PCNX2: variants seen among roughly 807,000 people sequenced by gnomAD.
PCNX2 encodes the protein pecanex-like protein 2.
PCNX2 carries 168 observed loss-of-function variants against 223.8 expected under a neutral mutation model. That is an observed-to-expected ratio of 0.75 (90% CI 0.66 to 0.85). PCNX2 has a LOEUF of 0.85. PCNX2 is among the 40% of genes least tolerant of loss of function. PCNX2 has a pLI of 0.00. For synonymous variants in PCNX2, 1,006 were observed against 1,052.6 expected (o/e 0.96, Z 0.86); for missense variants, 2,507 against 2,675.5 (o/e 0.94, Z 1.39).
chr1:233,103,701 G>T (rs1445357185), intron 21 of PCNX2, among the ~76,000 whole-genome samples: 3 of 152,110 alleles, frequency 2.0e-5, no homozygotes, highest in Non-Finnish European at 4.4e-5. Context: ...CACCTCAGTT[G>T]CTTCCAAATC....
At chr1:233,214,869 A>T (rs1226484156) in intron 12 of PCNX2, among the ~76,000 whole-genome samples, 2 of 152,222 alleles carry the variant, frequency 1.3e-5, no homozygotes, top group Admixed American at 1.3e-4. Flanking sequence ...TGCATTTAAA[A>T]TTGAAATACA....
At chr1:233,033,193 A>G (rs2102846351) in intron 25 of PCNX2, 1 of 985,378 alleles carries the variant, frequency 1.0e-6, no homozygotes, top group East Asian at 1.1e-4. Context: ...TTGCACTGTC[A>G]CACCTTTGTC....
chr1:233,013,790 C>T (rs764721086), intron 28 of PCNX2, among the ~76,000 whole-genome samples: 3 of 152,136 alleles, frequency 2.0e-5, no homozygotes, highest in Non-Finnish European at 4.4e-5. Context: ...GCTTTTGAAA[C>T]TTGGGATGTG....
intron 25 of PCNX2, among the ~76,000 whole-genome samples, chr1:233,050,293 A>G (rs1305803182): frequency 6.6e-6 from 1 of 151,940 alleles, no homozygotes; most frequent in East Asian, 1.9e-4. Flanking sequence ...CCATCAAACT[A>G]CCAATGTCAT....
At chr1:233,275,741 A>T (rs1276934930) in intron 1 of PCNX2, among the ~76,000 whole-genome samples, 1 of 152,002 alleles carries the variant, frequency 6.6e-6, no homozygotes, top group Non-Finnish European at 1.5e-5. Flanking sequence ...TATAATAGAC[A>T]AGGGGTGAGG....
At chr1:233,263,296 T>A in intron 1 of PCNX2, 133 bp from the exon 2 acceptor site, 1 of 783,492 alleles carries the variant, frequency 1.3e-6, no homozygotes, top group Non-Finnish European at 1.9e-6. Context: ...ATTTTTTAAG[T>A]TTTCCTGGTT....
intron 13 of PCNX2, chr1:233,202,071 G>A: frequency 2.5e-6 from 1 of 403,732 alleles, no homozygotes; most frequent in Non-Finnish European, 5.0e-6. Context: ...AGGTGGAATG[G>A]GAGGAAGAGG....
intron 21 of PCNX2, among the ~76,000 whole-genome samples, chr1:233,102,492 C>T (rs985644517): frequency 3.9e-5 from 6 of 152,226 alleles, no homozygotes; most frequent in Middle Eastern, 3.4e-3. Context: ...TTCACTTTCC[C>T]GCCAACAGGG....
intron 15 of PCNX2, among the ~76,000 whole-genome samples, chr1:233,195,805 C>A (rs867832712): frequency 9.2e-5 from 14 of 152,218 alleles, no homozygotes; most frequent in South Asian, 2.1e-4. Context: ...GAACAATATA[C>A]CATGTTCATG....
At chr1:233,004,552 T>C (rs746097858) in intron 28 of PCNX2, among the ~76,000 whole-genome samples, 3 of 151,992 alleles carry the variant, frequency 2.0e-5, no homozygotes, top group Non-Finnish European at 4.4e-5. Context: ...AAGAGGTAGT[T>C]ACGAGGCAAG....
intron 25 of PCNX2, among the ~76,000 whole-genome samples, chr1:233,038,519 G>C (rs1044213138): frequency 1.3e-5 from 2 of 152,168 alleles, no homozygotes; most frequent in African/African-American, 4.8e-5. Context: ...GACAAACATG[G>C]CTTCGTCTCT....
intron 23 of PCNX2, among the ~76,000 whole-genome samples, chr1:233,081,445 C>T (rs977988682): frequency 6.6e-6 from 1 of 152,212 alleles, no homozygotes; most frequent in Admixed American, 6.5e-5. Flanking sequence ...CGGATGGTCA[C>T]TTGTTGTCCA....
chr1:233,189,695 G>T (rs757109125), intron 15 of PCNX2, among the ~76,000 whole-genome samples: 1 of 152,058 alleles, frequency 6.6e-6, no homozygotes, highest in Non-Finnish European at 1.5e-5. Flanking sequence ...AAGCTCCCCC[G>T]CAAGCAGTTG....
intron 17 of PCNX2, among the ~76,000 whole-genome samples, chr1:233,175,206 C>G (rs1319537345): frequency 1.3e-5 from 2 of 152,140 alleles, no homozygotes; most frequent in Admixed American, 6.5e-5. Context: ...GGTATTATAT[C>G]AAACTCTAAA....
chr1:232,997,250 A>G (rs982315123), intron 32 of PCNX2, among the ~76,000 whole-genome samples: 1 of 152,052 alleles, frequency 6.6e-6, no homozygotes, highest in Non-Finnish European at 1.5e-5. Flanking sequence ...CTCTAAATTA[A>G]TTGACAGCTG....
intron 9 of PCNX2, among the ~76,000 whole-genome samples, chr1:233,229,228 G>C (rs1174356569): frequency 1.3e-5 from 2 of 152,168 alleles, no homozygotes; most frequent in Non-Finnish European, 2.9e-5. Context: ...ATGGAAAATG[G>C]AGTTATTCCG....
chr1:233,013,762 C>T (rs537312996), intron 28 of PCNX2, among the ~76,000 whole-genome samples: 13 of 152,284 alleles, frequency 8.5e-5, no homozygotes, highest in African/African-American at 3.1e-4. Context: ...CTTGGCTGCC[C>T]ACTGACATCA....
intron 32 of PCNX2, among the ~76,000 whole-genome samples, chr1:232,992,257 A>G (rs532631021): frequency 6.6e-6 from 1 of 152,286 alleles, no homozygotes; most frequent in South Asian, 2.1e-4. Flanking sequence ...GGTACTTGAG[A>G]CAGTCCCTTG....
At chr1:233,163,243 T>C (rs746354977) in intron 17 of PCNX2, among the ~76,000 whole-genome samples, 7 of 151,954 alleles carry the variant, frequency 4.6e-5, no homozygotes, top group Non-Finnish European at 8.8e-5. Flanking sequence ...CCCAGCACTT[T>C]AGGAGGCCAA....
Sources: gnomAD v4.1 joint callset for allele counts (sites outside exome capture counted in the v4.1 genomes callset) on GRCh38, gnomAD v4.1.1 for gene constraint, MANE v1.5 for transcripts, NCBI Gene and HGNC (gene_info 2026-07-23, HGNC 2026-07-21) for gene names.